ATP9B: variants seen among roughly 807,000 people sequenced by gnomAD.
ATP9B encodes ATPase phospholipid transporting 9B, also known as probable phospholipid-transporting ATPase IIB.
ATP9B carries 110 observed loss-of-function variants against 146.1 expected under a neutral mutation model. The observed-to-expected ratio is 0.75, with a 90% CI of 0.65 to 0.88. The LOEUF (loss-of-function observed/expected upper bound fraction) is 0.88, where lower values mean the gene tolerates loss of function less well. Ranked by LOEUF, ATP9B falls within the 40% of genes least tolerant of loss-of-function variation. ATP9B has a pLI of 0.00. For missense variants in ATP9B, 1,499 were observed against 1,496.4 expected (o/e 1.00, Z -0.03); for synonymous variants, 604 against 569.7 (o/e 1.06, Z -0.86).
At chr18:79,107,944 A>G (rs911728052) in intron 2 of ATP9B, among the ~76,000 whole-genome samples, 4 of 152,146 alleles carry the variant, frequency 2.6e-5, no homozygotes, top group Admixed American at 2.6e-4. Context: ...TGTCTATGTG[A>G]TGTGGGAGTT....
rs150859091 is a variant in ATP9B at position 79,118,127 on chromosome 18, G to A, written c.558+4773G>A. ...CTTTGGGAAAGGAGACTTTGGGGTC[G>A]TTTCTCATTTTTTACCATTATAAAT... On this transcript the variant is annotated intron_variant, in intron 4 of 29. Coordinates refer to ENST00000426216, the MANE Select transcript of ATP9B (RefSeq NM_198531.5). Among the ~76,000 whole-genome samples, 479 of 152,036 alleles carry A rather than the reference G, an allele frequency of 3.2e-3. 1 individual carries two copies. The highest frequency in any genetic ancestry group is 1.0e-2 in the African/African-American group (414 of 41,500).
intron 1 of ATP9B, 77 bp downstream of exon 1, chr18:79,069,606 G>C: frequency 1.0e-6 from 1 of 978,208 alleles, no homozygotes; most frequent in Non-Finnish European, 1.3e-6. Flanking sequence ...ACCCGGAGCC[G>C]GGCGGGTCTG....
At chr18:79,301,785 C>G (rs879846175) in intron 13 of ATP9B, among the ~76,000 whole-genome samples, 7 of 152,218 alleles carry the variant, frequency 4.6e-5, no homozygotes, top group Admixed American at 3.3e-4. Flanking sequence ...AACTGAGAAG[C>G]ATCTCAGGTA....
At chr18:79,206,865 C>G in intron 9 of ATP9B, 72 bp from the exon 10 acceptor site, 1 of 1,410,990 alleles carries the variant, frequency 7.1e-7, no homozygotes, top group Non-Finnish European at 9.9e-7. Context: ...GTTTCTAATA[C>G]TGAGGTTATA....
chr18:79,197,547 A>C (rs1385934675), intron 9 of ATP9B, among the ~76,000 whole-genome samples: 5 of 152,140 alleles, frequency 3.3e-5, no homozygotes, highest in African/African-American at 1.2e-4. Context: ...TTTTTTAAAA[A>C]ATACTGTGTG....
intron 11 of ATP9B, among the ~76,000 whole-genome samples, chr18:79,238,476 T>C (rs964510020): frequency 6.6e-6 from 1 of 152,182 alleles, no homozygotes; most frequent in African/African-American, 2.4e-5. Flanking sequence ...GGGCTGTAGC[T>C]GGACTCTGAG....
intron 12 of ATP9B, among the ~76,000 whole-genome samples, chr18:79,260,680 G>T (rs1242449167): frequency 6.6e-6 from 1 of 152,198 alleles, no homozygotes; most frequent in African/African-American, 2.4e-5. Flanking sequence ...AATCTTACAG[G>T]CAGGAAACAG....
At chr18:79,152,332 G>A (rs1395361828) in intron 6 of ATP9B, among the ~76,000 whole-genome samples, 1 of 152,076 alleles carries the variant, frequency 6.6e-6, no homozygotes, top group East Asian at 1.9e-4. Flanking sequence ...TATATGACAA[G>A]CCTGCTAAAA....
intron 8 of ATP9B, among the ~76,000 whole-genome samples, chr18:79,189,851 ACTT>A (rs2148105362): frequency 6.6e-6 from 1 of 152,302 alleles, no homozygotes; most frequent in East Asian, 1.9e-4. Flanking sequence ...CACTAGAAGC[ACTT>A]CTTATTGGTC....
At chr18:79,342,502 TATA>T in intron 20 of ATP9B, 136 bp downstream of exon 20, 1 of 520,410 alleles carries the variant, frequency 1.9e-6, no homozygotes, top group Non-Finnish European at 3.3e-6. Flanking sequence ...TTTTTTAATT[TATA>T]ACAGCACACC....
intron 9 of ATP9B, among the ~76,000 whole-genome samples, chr18:79,201,030 A>G (rs2095482399): frequency 6.6e-6 from 1 of 152,190 alleles, no homozygotes; most frequent in South Asian, 2.1e-4. Context: ...ACGTGTGCTG[A>G]TGGCCTGGTG....
rs767964906 is a variant in ATP9B at position 79,143,788 on chromosome 18, C to T, written c.668-14C>T. 4 of 1,549,864 alleles carry T rather than the reference C, an allele frequency of 2.6e-6. 1 individual carries two copies. The South Asian group carries it at 4.9e-5, about 19-fold the overall frequency. ...TTGTTTCCTTGAGTTGACTGTACTTCTTCTTTTTTTAAGGTAAAGTGCAAG... is the reference window on the plus strand; with the variant it reads ...TTGTTTCCTTGAGTTGACTGTACTTTTTCTTTTTTTAAGGTAAAGTGCAAG... On this transcript the variant is annotated splice_polypyrimidine_tract_variant and intron_variant, in intron 5 of 29. Coordinates refer to ENST00000426216, the MANE Select transcript of ATP9B (RefSeq NM_198531.5).
At chr18:79,307,879 G>A (rs540770439) in intron 15 of ATP9B, among the ~76,000 whole-genome samples, 3 of 152,174 alleles carry the variant, frequency 2.0e-5, no homozygotes, top group African/African-American at 7.2e-5. Context: ...GGTCCTTGAG[G>A]TAGTTCTGTA....
intron 9 of ATP9B, among the ~76,000 whole-genome samples, chr18:79,200,738 T>G (rs2095470395): frequency 2.0e-5 from 3 of 152,288 alleles, no homozygotes; most frequent in Admixed American, 6.5e-5. Flanking sequence ...ACTGTCGGGG[T>G]CAGAGCAGAG....
intron 15 of ATP9B, among the ~76,000 whole-genome samples, chr18:79,319,120 T>G (rs1166107598): frequency 6.6e-6 from 1 of 152,198 alleles, no homozygotes; most frequent in African/African-American, 2.4e-5. Context: ...TTGGATGTTC[T>G]GGGACCTGCA....
intron 19 of ATP9B, among the ~76,000 whole-genome samples, chr18:79,341,742 G>GTGTGTAGC (rs1456309436): frequency 2.0e-5 from 3 of 147,010 alleles, no homozygotes; most frequent in Non-Finnish European, 4.5e-5. Flanking sequence ...GTGGTTGGAT[G>GTGTGTAGC]TGTGTAGCGT....
intron 19 of ATP9B, among the ~76,000 whole-genome samples, chr18:79,339,290 A>AGGAAGTGTGTCATGATC (rs2096844526): frequency 1.3e-5 from 2 of 151,136 alleles, no homozygotes; most frequent in South Asian, 2.1e-4. Flanking sequence ...TCATGATCGT[A>AGGAAGTGTGTCATGATC]GTAGGAAGTA....
intron 7 of ATP9B, among the ~76,000 whole-genome samples, chr18:79,156,167 T>C (rs1470800289): frequency 6.6e-6 from 1 of 152,352 alleles, no homozygotes; most frequent in African/African-American, 2.4e-5. Flanking sequence ...AAGTGACTTC[T>C]GTATACTTGA....
rs758747313 is a variant in ATP9B, at chr18:79,347,794, G to T, written c.2707G>T (p.Ala903Ser). 1.3e-6 allele frequency: 2 copies of T among 1,594,138 alleles called. No homozygotes were observed. The highest frequency in any genetic ancestry group is 1.1e-5 in the South Asian group (1 of 89,398). ...GGAGGGTAAACAGGCCTCGCTGGCGGCCGACTTCTCCATCACGCAGTTCCG... is the reference window on the plus strand; with the variant it reads ...GGAGGGTAAACAGGCCTCGCTGGCGTCCGACTTCTCCATCACGCAGTTCCG... Reference protein sequence around the residue: ...GKEGKQASLAADFSITQFRHI... With the variant: ...GKEGKQASLASDFSITQFRHI... Residue 903 changes from alanine (A) to serine (S), a missense_variant, in exon 24 of 30, where the codon GCC becomes TCC. Coordinates refer to ENST00000426216, the MANE Select transcript of ATP9B (RefSeq NM_198531.5).
Sources: allele counts gnomAD v4.1 joint callset (sites outside exome capture counted in the v4.1 genomes callset), GRCh38; gene constraint gnomAD v4.1.1; transcripts MANE v1.5; gene names NCBI Gene and HGNC (gene_info 2026-07-23, HGNC 2026-07-21).